Variants in TTC24 observed in about 807,000 individuals in gnomAD.
TTC24 encodes tetratricopeptide repeat domain 24.
Under a neutral mutation model 63.3 loss-of-function variants are expected in TTC24, and 54 were observed. That is an observed-to-expected ratio of 0.85 (90% CI 0.69 to 1.07). The LOEUF (loss-of-function observed/expected upper bound fraction) is 1.07, where lower values mean the gene tolerates loss of function less well. Among genes scored for constraint, TTC24 ranks in the 50% least tolerant of loss-of-function variants. The pLI is 0.00. For synonymous variants in TTC24, 276 were observed against 304.3 expected (o/e 0.91, Z 0.97); for missense variants, 680 against 730.5 (o/e 0.93, Z 0.80).
In TTC24 at chr1:156,587,434, C is replaced by T. The variant is rs756097641; in HGVS notation, c.*884C>T. 6.6e-6 allele frequency among the ~76,000 whole-genome samples: 1 copy of T among 152,226 alleles called. No homozygotes were observed. The highest frequency in any genetic ancestry group is 6.5e-5 in the Admixed American group (1 of 15,280). ...TCTAGAATGCTGTGCAGTTCCACTTCCCCAGCTAAGCCCTTGCTTACCCAG... is the reference window on the plus strand; with the variant it reads ...TCTAGAATGCTGTGCAGTTCCACTTTCCCAGCTAAGCCCTTGCTTACCCAG... On this transcript the variant is annotated 3_prime_UTR_variant, in exon 11 of 11. Transcript: ENST00000368236.
rs770001489 is a variant in TTC24, at chr1:156,582,483, G to A, written c.910+49G>A. ...GGGACTGGGACTAAGACACTAAGAA[G>A]GGGTTCCAAAAGGGGCCCAAGGCTT... On this transcript the variant is annotated intron_variant, in intron 3 of 10. Transcript: ENST00000368236. 2.0e-5 allele frequency: 31 copies of A among 1,574,696 alleles called. No individual in the cohort carries two copies. In the East Asian group the frequency reaches 6.5e-4, roughly 33 times the overall value.
At position 156,582,213 on chromosome 1, in the gene TTC24, C is replaced by G; in HGVS notation, c.707-18C>G. 6.5e-7 allele frequency: 1 copy of G among 1,541,314 alleles called. No homozygotes were observed. Among genetic ancestry groups the G allele is most frequent in the Middle Eastern group, 1.7e-4 (1 of 5,948 alleles). On this transcript the variant is annotated intron_variant, in intron 2 of 10. Coordinates refer to ENST00000368236, the MANE Select transcript of TTC24 (RefSeq NM_001105669.4). ...TATATCTGGTCTGGCTACCAGTGACCCTGGCTATTCCCTCTAGGGCACCTC... is the reference window on the plus strand; with the variant it reads ...TATATCTGGTCTGGCTACCAGTGACGCTGGCTATTCCCTCTAGGGCACCTC...
chr1:156,581,642 G>C lies in TTC24; in HGVS notation c.278G>C (p.Gly93Ala). The C allele has an allele frequency of 6.4e-7, 1 of 1,551,732 alleles. No individual in the cohort carries two copies. The highest frequency in any genetic ancestry group is 8.7e-7 in the Non-Finnish European group (1 of 1,147,000). ...FNLGAAYVET[G>A]DPARGLELLL... ...CTGGGGGCTGCCTATGTGGAGACTG[G>C]GGACCCAGCCAGAGGCCTTGAGCTA... Residue 93 changes from glycine to alanine, a missense_variant, in exon 2 of 11, where the codon GGG (glycine) becomes GCG (alanine). Physicochemically the swap from Gly to Ala is moderately conservative, Grantham distance 60. Coordinates refer to ENST00000368236, the MANE Select transcript of TTC24 (RefSeq NM_001105669.4).
rs1206424659 is a variant in TTC24, at chr1:156,582,073, G to A, written c.706+3G>A. The stretch of plus-strand genomic sequence containing the variant: ...GAGCACTGAGAGGCGACTGCTGGGT[G>A]AGACCTTCGGGCAGGGAAGGCATGG... On this transcript the variant is annotated splice_donor_region_variant and intron_variant, in intron 2 of 10. Coordinates refer to ENST00000368236, the MANE Select transcript of TTC24 (RefSeq NM_001105669.4). 1.4e-6 allele frequency: 2 copies of A among 1,465,072 alleles called. No individual in the cohort carries two copies. Among genetic ancestry groups the A allele is most frequent in the African/African-American group, 1.4e-5 (1 of 70,032 alleles). The allele number at this position is 1,465,072 out of a possible 1,614,324, so 90.8% of individuals were successfully genotyped here.
intron 8 of TTC24, chr1:156,585,512 C>A: frequency 1.6e-6 from 1 of 610,112 alleles, no homozygotes; most frequent in Admixed American, 2.9e-5. Context: ...GCTCTCATGG[C>A]TTTCCTAACT....
chr1:156,585,537 T>C (rs1182441733), intron 8 of TTC24, 176 bp from the exon 9 acceptor site: 3 of 622,688 alleles, frequency 4.8e-6, no homozygotes, highest in Non-Finnish European at 5.7e-6. Context: ...GAACTTTGCA[T>C]CTTGGACCCC....
rs762618908 is a variant in TTC24 at position 156,581,475 on chromosome 1, A to G, written c.111A>G (p.Gln37=). ...RKWLRQEASI[Q]ALTRAGHGAL... ...GGCTGCGGCAAGAAGCCAGCATCCAAGCCCTCACCAGGGCTGGCCATGGGG... is the reference window on the plus strand; with the variant it reads ...GGCTGCGGCAAGAAGCCAGCATCCAGGCCCTCACCAGGGCTGGCCATGGGG... Residue 37 remains glutamine, a synonymous_variant, in exon 2 of 11, where the codon CAA becomes CAG. Transcript: ENST00000368236. 3 of 1,551,386 alleles carry G rather than the reference A, an allele frequency of 1.9e-6. No homozygotes were observed. Among genetic ancestry groups the G allele is most frequent in the African/African-American group, 2.7e-5 (2 of 73,168 alleles).
rs1420818322 is a variant in TTC24, at chr1:156,587,065, AGTGAT to A, written c.*523_*527del. 7.0e-6 allele frequency among the ~76,000 whole-genome samples: 1 copy of A among 142,742 alleles called. No individual in the cohort carries two copies. The highest frequency in any genetic ancestry group is 2.5e-5 in the African/African-American group (1 of 40,658). 93.6% of individuals were successfully genotyped at this position (142,742 alleles called of 152,430 possible). The stretch of plus-strand genomic sequence containing the variant: ...AGCTCCTGCCAGCAGCCACAGGAAC[AGTGAT>A]GTGATGTAACATTTCCCAAGTACTT... On this transcript the variant is annotated 3_prime_UTR_variant, in exon 11 of 11. Coordinates refer to ENST00000368236, the MANE Select transcript of TTC24 (RefSeq NM_001105669.4).
At position 156,586,534 on chromosome 1, in the gene TTC24, T is replaced by A. The variant is rs2102481621; in HGVS notation, c.1733T>A (p.Ile578Asn). The change falls in exon 11 of 11, where the codon ATC becomes AAC. Residue 578 changes from isoleucine to asparagine, a missense_variant. Ile to Asn is a moderately radical substitution (Grantham distance 149). Transcript: ENST00000368236. ...SRQRRPMESG[I>N]CTIV ...CAGAGGAGACCCATGGAGTCGGGCATCTGCACTATTGTGTGACCTCCCCCT... is the reference window on the plus strand; with the variant it reads ...CAGAGGAGACCCATGGAGTCGGGCAACTGCACTATTGTGTGACCTCCCCCT... 1.2e-6 allele frequency: 2 copies of A among 1,613,454 alleles called. No homozygotes were observed. Among genetic ancestry groups the A allele is most frequent in the Middle Eastern group, 1.7e-4 (1 of 6,060 alleles).
At chr1:156,585,429 C>T (rs1219137366) in intron 8 of TTC24, 198 bp downstream of exon 8, 2 of 599,456 alleles carry the variant, frequency 3.3e-6, no homozygotes, top group African/African-American at 1.9e-5. Context: ...ACAGCCCTCC[C>T]ATGATTTCTG....
chr1:156,583,707 C>G lies in TTC24; in HGVS notation c.1153-90C>G, dbSNP rs112650008. On this transcript the variant is annotated intron_variant, in intron 5 of 10. Transcript: ENST00000368236. This position sits in a 1 kb window ranked among gnomAD's most constrained non-coding sequence, Gnocchi z 4.0. ...GAGGGGAAACAAAGCCCCCCTCCCC[C>G]CTCCCTTTCCTGTTTCCTTCTTCCC... 1.6e-5 allele frequency: 16 copies of G among 1,029,468 alleles called. 1 individual carries two copies. The highest frequency in any genetic ancestry group is 1.4e-4 in the African/African-American group (9 of 62,310). The allele number at this position is 1,029,468 out of a possible 1,614,324, so 63.8% of individuals were successfully genotyped here.
Position 156,583,050 on chromosome 1 carries a change from G to C in TTC24, c.919G>C (p.Gly307Arg), listed in dbSNP as rs1557957253. 6.2e-7 allele frequency: 1 copy of C among 1,612,256 alleles called. No individual in the cohort carries two copies. Among genetic ancestry groups the C allele is most frequent in the Admixed American group, 1.7e-5 (1 of 59,808 alleles). Reference protein sequence around the residue: ...QKAADLHGSVGQRWEQGRSFG... With the variant: ...QKAADLHGSVRQRWEQGRSFG... ...GTGGGCTCTGTCCTCAGGCTCTGTG[G>C]GGCAGCGGTGGGAGCAGGGCCGGAG... Residue 307 changes from glycine (G) to arginine (R), a missense_variant, in exon 4 of 11, where the codon GGG (glycine) becomes CGG (arginine). By Grantham distance (125) the Gly-to-Arg change is moderately radical. Coordinates refer to ENST00000368236, the MANE Select transcript of TTC24 (RefSeq NM_001105669.4). This position sits in a 1 kb window ranked among gnomAD's most constrained non-coding sequence, Gnocchi z 4.0.
rs1477021669 is a variant in TTC24, at chr1:156,582,220, A to G, written c.707-11A>G. 7 of 1,544,958 alleles carry G rather than the reference A, an allele frequency of 4.5e-6. No homozygotes were observed. The highest frequency in any genetic ancestry group is 1.7e-4 in the Middle Eastern group (1 of 5,962). ...GGTCTGGCTACCAGTGACCCTGGCT[A>G]TTCCCTCTAGGGCACCTCTATAACG... On this transcript the variant is annotated splice_polypyrimidine_tract_variant and intron_variant, in intron 2 of 10. Coordinates refer to ENST00000368236, the MANE Select transcript of TTC24 (RefSeq NM_001105669.4).
At position 156,583,048 on chromosome 1, in the gene TTC24, T is replaced by C. The variant is rs578162646; in HGVS notation, c.917T>C (p.Val306Ala). 2.9e-5 allele frequency: 46 copies of C among 1,611,998 alleles called. No homozygotes were observed. In the East Asian group the frequency reaches 9.6e-4, roughly 34 times the overall value. ...GGGTGGGCTCTGTCCTCAGGCTCTGTGGGGCAGCGGTGGGAGCAGGGCCGG... is the reference window on the plus strand; with the variant it reads ...GGGTGGGCTCTGTCCTCAGGCTCTGCGGGGCAGCGGTGGGAGCAGGGCCGG... ...HQKAADLHGS[V>A]GQRWEQGRSF... The change falls in exon 4 of 11, where the codon GTG (valine) becomes GCG (alanine). Residue 306 changes from valine (V) to alanine (A), a missense_variant. Val to Ala is a moderately conservative substitution (Grantham distance 64). Transcript: ENST00000368236. This position sits in a 1 kb window ranked among gnomAD's most constrained non-coding sequence, Gnocchi z 4.0.
intron 10 of TTC24, 73 bp downstream of exon 10, chr1:156,586,118 T>C (rs772387315): frequency 3.9e-5 from 43 of 1,108,388 alleles, no homozygotes; most frequent in Non-Finnish European, 5.7e-5. Flanking sequence ...GGGATGATTT[T>C]AATGAAACAC....
At position 156,586,858 on chromosome 1, in the gene TTC24, T is replaced by G; in HGVS notation, c.*308T>G. ...CTAGGGGCCTGGCAGTTCTAAAAACTGACTTCGTGGTCAAGTAGCTTTGGA... is the reference window on the plus strand; with the variant it reads ...CTAGGGGCCTGGCAGTTCTAAAAACGGACTTCGTGGTCAAGTAGCTTTGGA... On this transcript the variant is annotated 3_prime_UTR_variant, in exon 11 of 11. Transcript: ENST00000368236. 4.1e-6 allele frequency: 1 copy of G among 244,248 alleles called. No individual in the cohort carries two copies. Among genetic ancestry groups the G allele is most frequent in the African/African-American group, 2.1e-5 (1 of 46,544 alleles). The allele number at this position is 244,248 out of a possible 1,614,324, so 15.1% of individuals were successfully genotyped here. A position where few individuals can be genotyped will look rare whatever the true frequency, so the allele number is the denominator to read the frequency against.
rs763801225 is a variant in TTC24, at chr1:156,586,817, C to T, written c.*267C>T. 1 of 314,484 alleles carries T rather than the reference C, an allele frequency of 3.2e-6. No individual in the cohort carries two copies. Among genetic ancestry groups the T allele is most frequent in the Non-Finnish European group, 6.0e-6 (1 of 166,196 alleles). The allele number at this position is 314,484 out of a possible 1,614,324, so 19.5% of individuals were successfully genotyped here. Reference sequence around the variant, plus strand: ...TGGCAAATTCCCTGTCTTTCTGAATCCAAATCTTACGATTGCTAGGGGCCT... The same window carrying T: ...TGGCAAATTCCCTGTCTTTCTGAATTCAAATCTTACGATTGCTAGGGGCCT... On this transcript the variant is annotated 3_prime_UTR_variant, in exon 11 of 11. Transcript: ENST00000368236.
chr1:156,585,919 T>C (rs954211226), intron 9 of TTC24, 30 bp from the exon 10 acceptor site: 1 of 1,598,056 alleles, frequency 6.3e-7, no homozygotes, highest in Admixed American at 1.7e-5. Context: ...GAGAGGCACG[T>C]GATGAATGTG....
Position 156,581,803 on chromosome 1 carries a change from T to C in TTC24, c.439T>C (p.Tyr147His), listed in dbSNP as rs1463185917. The change falls in exon 2 of 11, where the codon TAC (tyrosine) becomes CAC (histidine). Residue 147 changes from tyrosine to histidine, a missense_variant. Transcript: ENST00000368236. ...LAWYHRALGHYQPQGDQGEAW... is the reference protein window; with the variant it reads ...LAWYHRALGHHQPQGDQGEAW... ...CTGGTACCACAGGGCCCTGGGCCAC[T>C]ACCAGCCACAGGGTGACCAGGGAGA... 6.4e-7 allele frequency: 1 copy of C among 1,551,460 alleles called. No individual in the cohort carries two copies. The highest frequency in any genetic ancestry group is 2.0e-5 in the Admixed American group (1 of 51,008).
Sources: allele counts gnomAD v4.1 joint callset (sites outside exome capture counted in the v4.1 genomes callset), GRCh38; gene constraint gnomAD v4.1.1; non-coding constraint Gnocchi (gnomAD v3.1); transcripts MANE v1.5; gene names NCBI Gene and HGNC (gene_info 2026-07-23, HGNC 2026-07-21).